Variants in PIDD1 observed in about 807,000 individuals in gnomAD.
The protein encoded by PIDD1 is p53-induced death domain protein 1.
In PIDD1, 72 loss-of-function variants were observed where a neutral mutation model predicts 80.0. That is an observed-to-expected ratio of 0.90 (90% CI 0.74 to 1.09). PIDD1 has a LOEUF of 1.09. Among genes scored for constraint, PIDD1 ranks in the 50% least tolerant of loss-of-function variants. PIDD1 has a pLI of 0.00. For missense variants in PIDD1, 1,329 were observed against 1,228.3 expected (o/e 1.08, Z -1.23); for synonymous variants, 655 against 543.5 (o/e 1.21, Z -2.85).
At position 799,840 on chromosome 11, in the gene PIDD1, C is replaced by T. The variant is rs1865092248; in HGVS notation, c.2449G>A (p.Val817Met). The T allele has an allele frequency of 1.2e-6, 2 of 1,602,630 alleles. No individual in the cohort carries two copies. Among genetic ancestry groups the T allele is most frequent in the South Asian group, 1.1e-5 (1 of 90,368 alleles). The stretch of plus-strand genomic sequence containing the variant: ...CGGAACTCGTGCCGGATGCGCTGCA[C>T]CTCCCGGTAGGACACCCCCAGGTGC... ...ALHLGVSYRE[V>M]QRIRHEFRDD... Residue 817 changes from valine to methionine, a missense_variant, in exon 15 of 16, where the codon GTG becomes ATG. Physicochemically the swap from Val to Met is conservative, Grantham distance 21. Transcript: ENST00000347755.
At chr11:807,158 C>A (rs1441836601), upstream of PIDD1, among the ~76,000 whole-genome samples, 1 of 147,094 alleles carries the variant, frequency 6.8e-6, no homozygotes, top group African/African-American at 2.5e-5. Flanking sequence ...CGGCACTGCA[C>A]TCCAGCTTGG....
intron 15 of PIDD1, 124 bp downstream of exon 15, chr11:799,691 C>T (rs1865070634): frequency 1.4e-6 from 2 of 1,389,546 alleles, no homozygotes; most frequent in African/African-American, 2.9e-5. Flanking sequence ...CCTTTCCTTT[C>T]CAGCCTGGTG....
chr11:803,911 G>A lies in PIDD1; in HGVS notation c.295+183C>T, dbSNP rs1286789167. On this transcript the variant is annotated intron_variant, in intron 2 of 15. Transcript: ENST00000347755. ...AGGGCCCAGCCAGCCCCACACTGGG[G>A]GTGGTGATCACCGAGGATGGCGATG... The A allele has an allele frequency of 1.7e-5, 12 of 713,070 alleles. No individual in the cohort carries two copies. In the East Asian group the frequency reaches 3.3e-4, roughly 19 times the overall value. 44.2% of individuals were successfully genotyped at this position (713,070 alleles called of 1,614,324 possible).
chr11:804,043 G>A, intron 2 of PIDD1, 51 bp downstream of exon 2: 1 of 1,544,160 alleles, frequency 6.5e-7, no homozygotes, highest in African/African-American at 1.4e-5. Flanking sequence ...ATGCAGCAGA[G>A]GCAGGGCAGA....
chr11:808,416 C>G (rs79326717), upstream of PIDD1, among the ~76,000 whole-genome samples: 7,177 of 147,986 alleles, frequency 0.048, 435 homozygotes, highest in East Asian at 0.27. Context: ...AACAGTGGGA[C>G]TCCTCAGAAA....
At chr11:804,526 G>A (rs1865644521) in intron 1 of PIDD1, 63 bp from the exon 2 acceptor site, 2 of 1,420,986 alleles carry the variant, frequency 1.4e-6, no homozygotes, top group Admixed American at 5.7e-5. Context: ...GGGGAAACAG[G>A]GACTCTGGAT....
chr11:805,054 G>GGCCC (rs1865687605), intron 1 of PIDD1, 125 bp downstream of exon 1: 1 of 244,708 alleles, frequency 4.1e-6, no homozygotes, highest in African/African-American at 2.3e-5. Context: ...GACGGCGTGG[G>GGCCC]GGGCGGGCCC....
rs1309325312 is a variant in PIDD1 at position 800,559 on chromosome 11, G to A, written c.2025C>T (p.Gly675=). 8 of 1,609,176 alleles carry A rather than the reference G, an allele frequency of 5.0e-6. No homozygotes were observed. Among genetic ancestry groups the A allele is most frequent in the Non-Finnish European group, 6.8e-6 (8 of 1,179,620 alleles). ...GEEFFAAFER[G]IDVDADRPDC... ...CATCCCTACCAGCATCCACGTCGAT[G>A]CCGCGCTCGAAGGCCGCAAAGAACT... Residue 675 remains glycine (G), a synonymous_variant, in exon 12 of 16, where the codon GGC becomes GGT. Coordinates refer to ENST00000347755, the MANE Select transcript of PIDD1 (RefSeq NM_145886.4).
chr11:801,101 G>A lies in PIDD1; in HGVS notation c.1650C>T (p.Ser550=), dbSNP rs749323025. The change falls in exon 10 of 16, where the codon TCC becomes TCT. Residue 550 remains serine, a synonymous_variant. Coordinates refer to ENST00000347755, the MANE Select transcript of PIDD1 (RefSeq NM_145886.4). Reference sequence around the variant, plus strand: ...GGGCCCAGTACAACAGGTGCAGGCGGGAGCGGTCCAGACTGAGGCCTGGGG... The same window carrying A: ...GGGCCCAGTACAACAGGTGCAGGCGAGAGCGGTCCAGACTGAGGCCTGGGG... ...SGITGLSLDR[S]RLHLLYWAPP... 1 of 1,575,414 alleles carries A rather than the reference G, an allele frequency of 6.3e-7. No homozygotes were observed. The highest frequency in any genetic ancestry group is 2.3e-5 in the East Asian group (1 of 44,140).
At position 801,502 on chromosome 11, in the gene PIDD1, C is replaced by A. The variant is rs148394818; in HGVS notation, c.1425G>T (p.Gly475=). The stretch of plus-strand genomic sequence containing the variant: ...CCCCAGGGGGGAAGATGACTTTGAC[C>A]CCAGGATGACCCGAGGAGCACAGCA... ...GTLLCSSGHP[G]VKVIFPPGAT... Residue 475 remains glycine (G), a synonymous_variant, in exon 8 of 16, where the codon GGG becomes GGT. Transcript: ENST00000347755. 21 of 1,549,300 alleles carry A rather than the reference C, an allele frequency of 1.4e-5. No individual in the cohort carries two copies. In the South Asian group the frequency reaches 1.8e-4, roughly 13 times the overall value.
At chr11:809,336 G>A (rs910487717), upstream of PIDD1, 7 of 152,286 alleles carry the variant, frequency 4.6e-5, no homozygotes, top group African/African-American at 1.4e-4. Flanking sequence ...CCTCTGACAG[G>A]ATGCCCTGAC....
intron 7 of PIDD1, 141 bp downstream of exon 7, chr11:801,824 G>T (rs776520433): frequency 8.4e-7 from 1 of 1,197,020 alleles, no homozygotes; most frequent in Non-Finnish European, 1.2e-6. Flanking sequence ...GGGTGGGGTG[G>T]AAGGTGCCAG....
chr11:799,446 A>G lies in PIDD1; in HGVS notation c.2594T>C (p.Val865Ala). ...CAAGACTGCGCGCACCTCTTCAGCC[A>G]CGTCCTGCCGGTCACTCTGCTCCAG... Reference protein sequence around the residue: ...QALEQSDRQDVAEEVRAVLEL... With the variant: ...QALEQSDRQDAAEEVRAVLEL... The change falls in exon 16 of 16, where the codon GTG becomes GCG. Residue 865 changes from valine (V) to alanine (A), a missense_variant. Physicochemically the swap from Val to Ala is moderately conservative, Grantham distance 64. Transcript: ENST00000347755. The G allele has an allele frequency of 1.9e-6, 3 of 1,610,766 alleles. No homozygotes were observed. Among genetic ancestry groups the G allele is most frequent in the Non-Finnish European group, 2.5e-6 (3 of 1,179,892 alleles).
At position 802,800 on chromosome 11, in the gene PIDD1, C is replaced by T. The variant is rs779116788; in HGVS notation, c.801G>A (p.Arg267=). The T allele has an allele frequency of 3.7e-6, 6 of 1,604,392 alleles. 1 individual carries two copies. The highest frequency in any genetic ancestry group is 3.3e-4 in the Middle Eastern group (2 of 6,044). Residue 267 remains arginine, a synonymous_variant, in exon 4 of 16, where the codon CGG becomes CGA. Coordinates refer to ENST00000347755, the MANE Select transcript of PIDD1 (RefSeq NM_145886.4). Reference sequence around the variant, plus strand: ...GGAGCTGGTTGTCCCTCAGGTCGAGCCGGGTGAGGAGTGGAAGGCGGGCCA... The same window carrying T: ...GGAGCTGGTTGTCCCTCAGGTCGAGTCGGGTGAGGAGTGGAAGGCGGGCCA... The part of the protein sequence containing the change: ...ADLARLPLLT[R]LDLRDNQLRD...
intron 2 of PIDD1, chr11:803,877 C>G: frequency 4.7e-6 from 3 of 643,274 alleles, no homozygotes; most frequent in Non-Finnish European, 8.0e-6. Context: ...GCGTCAGGGT[C>G]CAGGAGCCAG....
chr11:806,661 C>A (rs1358713113), upstream of PIDD1, among the ~76,000 whole-genome samples: 3 of 151,850 alleles, frequency 2.0e-5, no homozygotes, highest in Admixed American at 1.3e-4. Flanking sequence ...CGGCTCACTG[C>A]AAGCTCCACC....
intron 3 of PIDD1, 60 bp downstream of exon 3, chr11:803,113 AC>A: frequency 7.9e-7 from 1 of 1,258,772 alleles, no homozygotes; most frequent in Non-Finnish European, 1.1e-6. Flanking sequence ...CCTGCAGAAG[AC>A]AGGCAGGCTT....
At position 799,336 on chromosome 11, in the gene PIDD1, G is replaced by A. The variant is rs570884343; in HGVS notation, c.2704C>T (p.Pro902Ser). ...KDPALPGSSA[P>S]QPPEPAQA ...GCCTGGGCAGGCTCTGGGGGCTGTG[G>A]AGCCGAGGAGCCAGGCAGAGCGGGG... The change falls in exon 16 of 16, where the codon CCA becomes TCA. Residue 902 changes from proline (P) to serine (S), a missense_variant. Pro to Ser is a moderately conservative substitution (Grantham distance 74). Transcript: ENST00000347755. The A allele has an allele frequency of 2.5e-6, 4 of 1,607,648 alleles. No individual in the cohort carries two copies. The highest frequency in any genetic ancestry group is 1.3e-5 in the African/African-American group (1 of 74,922).
upstream of PIDD1, among the ~76,000 whole-genome samples, chr11:808,927 C>A (rs1865919646): frequency 6.6e-6 from 1 of 152,214 alleles, no homozygotes; most frequent in South Asian, 2.1e-4. Flanking sequence ...GCTGGCGCTG[C>A]CTGCTAACAC....
Sources: allele counts gnomAD v4.1 joint callset (sites outside exome capture counted in the v4.1 genomes callset), GRCh38; gene constraint gnomAD v4.1.1; transcripts MANE v1.5; gene names NCBI Gene and HGNC (gene_info 2026-07-23, HGNC 2026-07-21).